Variants in KIF24 observed in about 807,000 individuals in gnomAD.
KIF24 encodes the protein kinesin-like protein KIF24.
Under a neutral mutation model 118.9 loss-of-function variants are expected in KIF24, and 81 were observed. That is an observed-to-expected ratio of 0.68 (90% CI 0.57 to 0.82). The LOEUF (loss-of-function observed/expected upper bound fraction) is 0.82. Among genes scored for constraint, KIF24 ranks in the 40% least tolerant of loss-of-function variants. The pLI, the probability that KIF24 is intolerant of heterozygous loss-of-function variation, is 0.00. For missense variants in KIF24, 1,560 were observed against 1,661.6 expected (o/e 0.94, Z 1.06); for synonymous variants, 599 against 610.0 (o/e 0.98, Z 0.27).
Position 34,255,950 on chromosome 9 carries a change from G to C in KIF24, c.3657C>G (p.Leu1219=), listed in dbSNP as rs148533597. 6.2e-7 allele frequency: 1 copy of C among 1,613,872 alleles called. No homozygotes were observed. The highest frequency in any genetic ancestry group is 1.3e-5 in the African/African-American group (1 of 74,922). The change falls in exon 11 of 13, where the codon CTC becomes CTG. Residue 1219 remains leucine, a synonymous_variant. Coordinates refer to ENST00000402558, the MANE Select transcript of KIF24 (RefSeq NM_194313.4). ...TAGGATGTTTTCTCTCCTGGGCCCA[G>C]AGCTGGTCAGCCACATCACTACTTC... ...RTGSSDVADQ[L]WAQERKHPTR...
intron 9 of KIF24, among the ~76,000 whole-genome samples, chr9:34,262,696 ATATATATATATATATATG>A (rs1405454619): frequency 3.8e-4 from 20 of 52,700 alleles, no homozygotes; most frequent in African/African-American, 1.2e-3. Flanking sequence ...ATATATATAT[ATATATATATATATATATG>A]GCCAGGCATG....
At chr9:34,320,603 A>G (rs1198804627) in intron 1 of KIF24, among the ~76,000 whole-genome samples, 1 of 134,702 alleles carries the variant, frequency 7.4e-6, no homozygotes, top group Non-Finnish European at 1.5e-5. Flanking sequence ...GGTTGCAGTG[A>G]GCCAAGATTG....
upstream of KIF24, among the ~76,000 whole-genome samples, chr9:34,330,489 T>G (rs1383552659): frequency 6.6e-6 from 1 of 151,830 alleles, no homozygotes; most frequent in African/African-American, 2.4e-5. Context: ...TTAAGATCAT[T>G]GATGTTAGGA....
In KIF24 at chr9:34,257,027, C is replaced by T. The variant is rs144995838; in HGVS notation, c.2580G>A (p.Thr860=). Residue 860 remains threonine (T), a synonymous_variant, in exon 11 of 13, where the codon ACG becomes ACA. Transcript: ENST00000402558. ...NSEDSFFLHQ[T]WGQGPEKQVA... ...CCTGCTTCTCAGGACCCTGTCCCCACGTCTGGTGCAGGAAGAATGAGTCTT... is the reference window on the plus strand; with the variant it reads ...CCTGCTTCTCAGGACCCTGTCCCCATGTCTGGTGCAGGAAGAATGAGTCTT... The T allele has an allele frequency of 2.5e-5, 41 of 1,613,902 alleles. No individual in the cohort carries two copies. The highest frequency in any genetic ancestry group is 2.9e-5 in the Non-Finnish European group (34 of 1,179,896).
upstream of KIF24, among the ~76,000 whole-genome samples, chr9:34,333,595 T>C (rs1396638425): frequency 2.2e-5 from 3 of 134,814 alleles, no homozygotes. Flanking sequence ...TGCAGTGAGC[T>C]GTGATCATAC....
In KIF24 at chr9:34,311,371, T is replaced by A. The variant is rs930743418; in HGVS notation, c.-25A>T. On this transcript the variant is annotated splice_region_variant and 5_prime_UTR_variant, in exon 2 of 13. Coordinates refer to ENST00000402558, the MANE Select transcript of KIF24 (RefSeq NM_194313.4). The stretch of plus-strand genomic sequence containing the variant: ...TTTTGGTGAATAGGTTTCTATAAAC[T>A]CTGAAGAGAGAAAGAAAAGCCATTC... 1 of 1,482,636 alleles carries A rather than the reference T, an allele frequency of 6.7e-7. No homozygotes were observed. Among genetic ancestry groups the A allele is most frequent in the Non-Finnish European group, 9.0e-7 (1 of 1,111,988 alleles). 91.8% of individuals were successfully genotyped at this position (1,482,636 alleles called of 1,614,324 possible). A position where few individuals can be genotyped will look rare whatever the true frequency, so the allele number is the denominator to read the frequency against.
In KIF24 at chr9:34,269,343, C is replaced by T. The variant is rs527449185; in HGVS notation, c.1357G>A (p.Ala453Thr). 6 of 1,604,174 alleles carry T rather than the reference C, an allele frequency of 3.7e-6. No homozygotes were observed. Among genetic ancestry groups the T allele is most frequent in the Non-Finnish European group, 5.1e-6 (6 of 1,171,810 alleles). Residue 453 changes from alanine to threonine, a missense_variant, in exon 8 of 13, where the codon GCT becomes ACT. Coordinates refer to ENST00000402558, the MANE Select transcript of KIF24 (RefSeq NM_194313.4). ...GCATCTGCTGCTCTTTCACTGCCAGCCAAGTCAATAAAAGAGATCCTAGAG... is the reference window on the plus strand; with the variant it reads ...GCATCTGCTGCTCTTTCACTGCCAGTCAAGTCAATAAAAGAGATCCTAGAG... Reference protein sequence around the residue: ...TFGRISFIDLAGSERAADARD... With the variant: ...TFGRISFIDLTGSERAADARD...
rs1479346055 is a variant in KIF24 at position 34,255,813 on chromosome 9, C to T, written c.3794G>A (p.Arg1265Lys). 1 of 1,613,954 alleles carries T rather than the reference C, an allele frequency of 6.2e-7. No homozygotes were observed. Among genetic ancestry groups the T allele is most frequent in the South Asian group, 1.1e-5 (1 of 91,062 alleles). ...GCTGGGAACCAAGGGAGAACTTGGC[C>T]TTGCTAAGCACCTTGAGATCGGCCT... is the stretch of plus-strand genomic sequence containing the variant. ...KPRPISRCLA[R>K]PSSPLVPSCS... Residue 1265 changes from arginine (R) to lysine (K), a missense_variant, in exon 11 of 13, where the codon AGG becomes AAG. Arg to Lys is a conservative substitution (Grantham distance 26). Transcript: ENST00000402558.
chr9:34,327,645 T>C (rs907291333), intron 1 of KIF24, among the ~76,000 whole-genome samples: 1 of 152,204 alleles, frequency 6.6e-6, no homozygotes, highest in Middle Eastern at 3.4e-3. Context: ...GCTGAGAGTG[T>C]GTGGTCTACC....
At chr9:34,275,956 T>C (rs897746413) in intron 6 of KIF24, among the ~76,000 whole-genome samples, 6 of 152,206 alleles carry the variant, frequency 3.9e-5, no homozygotes, top group African/African-American at 1.2e-4. Flanking sequence ...ACATCTCCAG[T>C]TGAGGAACAA....
rs1253425629 is a variant in KIF24, at chr9:34,256,406, G to C, written c.3201C>G (p.Pro1067=). ...CCCCATCCTGGACCAGCTGCTCCGA[G>C]GGAGGAGACCCTTCGTTGTCTGGGT... The part of the protein sequence containing the change: ...LENPDNEGSP[P]SEQLVQDGAT... The change falls in exon 11 of 13, where the codon CCC becomes CCG. Residue 1067 remains proline, a synonymous_variant. Transcript: ENST00000402558. 11 of 1,613,850 alleles carry C rather than the reference G, an allele frequency of 6.8e-6. No individual in the cohort carries two copies. The highest frequency in any genetic ancestry group is 9.3e-6 in the Non-Finnish European group (11 of 1,179,898).
intron 8 of KIF24, among the ~76,000 whole-genome samples, chr9:34,266,788 A>G (rs1835310816): frequency 6.6e-6 from 1 of 152,152 alleles, no homozygotes; most frequent in African/African-American, 2.4e-5. Context: ...AGCCTAGAAC[A>G]TAGGCTCTTG....
intron 1 of KIF24, among the ~76,000 whole-genome samples, chr9:34,312,115 A>T (rs1837190093): frequency 6.6e-6 from 1 of 152,204 alleles, no homozygotes. Flanking sequence ...TTTGCTGAGT[A>T]CTGGCAAAAG....
intron 9 of KIF24, among the ~76,000 whole-genome samples, chr9:34,260,472 A>G (rs1835012714): frequency 6.6e-6 from 1 of 152,230 alleles, no homozygotes; most frequent in Non-Finnish European, 1.5e-5. Context: ...GTATGACTCC[A>G]TAACTCCGTA....
chr9:34,307,615 T>C (rs1314206629), intron 2 of KIF24, among the ~76,000 whole-genome samples: 2 of 152,006 alleles, frequency 1.3e-5, no homozygotes, highest in Admixed American at 6.6e-5. Flanking sequence ...GTGACAATCA[T>C]TGAAACTGGA....
chr9:34,314,829 A>C (rs1284601848), intron 1 of KIF24, among the ~76,000 whole-genome samples: 1 of 152,258 alleles, frequency 6.6e-6, no homozygotes, highest in Admixed American at 6.5e-5. Context: ...TAATGCTATG[A>C]GACAATTACA....
chr9:34,290,134 G>A, intron 5 of KIF24, 40 bp downstream of exon 5: 1 of 1,417,080 alleles, frequency 7.1e-7, no homozygotes, highest in Non-Finnish European at 9.9e-7. Context: ...GCTTAAAATA[G>A]CGATGAACAG....
chr9:34,262,712 A>ATATG (rs1278590736), intron 9 of KIF24, among the ~76,000 whole-genome samples: 12 of 50,254 alleles, frequency 2.4e-4, no homozygotes, highest in African/African-American at 9.3e-4. Flanking sequence ...ATATATATAT[A>ATATG]TGGCCAGGCA....
At chr9:34,266,375 C>T (rs72731296) in intron 8 of KIF24, among the ~76,000 whole-genome samples, 6,244 of 152,034 alleles carry the variant, frequency 0.041, 171 homozygotes, top group Middle Eastern at 0.075. Context: ...ACACCATTTC[C>T]GTCTCAAAAA....
Sources: gnomAD v4.1 joint callset for allele counts (sites outside exome capture counted in the v4.1 genomes callset) on GRCh38, gnomAD v4.1.1 for gene constraint, MANE v1.5 for transcripts, NCBI Gene and HGNC (gene_info 2026-07-23, HGNC 2026-07-21) for gene names.